SMARCAL1: variants seen among roughly 807,000 people sequenced by gnomAD.
SMARCAL1 encodes the protein ATP-driven annealing helicase.
In SMARCAL1, 58 loss-of-function variants were observed where a neutral mutation model predicts 94.5. That is an observed-to-expected ratio of 0.61 (90% CI 0.50 to 0.76). The LOEUF (loss-of-function observed/expected upper bound fraction) is 0.76, where lower values mean the gene tolerates loss of function less well. Ranked by LOEUF, SMARCAL1 falls within the 30% of genes least tolerant of loss-of-function variation. SMARCAL1 has a pLI of 0.00. For synonymous variants in SMARCAL1, 422 were observed against 455.1 expected, an observed-to-expected ratio of 0.93 and a Z score of 0.93; for missense variants, 1,051 against 1,177.9, an observed-to-expected ratio of 0.89 and a Z score of 1.58.
At chr2:216,465,022 C>T (rs989233483) in intron 13 of SMARCAL1, among the ~76,000 whole-genome samples, 3 of 152,106 alleles carry the variant, frequency 2.0e-5, no homozygotes, top group Non-Finnish European at 4.4e-5. Context: ...TGGCATGCAC[C>T]TGTGGTCCCA....
chr2:216,461,904 G>A lies in SMARCAL1; in HGVS notation c.2071-2693G>A, dbSNP rs753627086. Among the ~76,000 whole-genome samples the A allele has an allele frequency of 4.0e-5, 6 of 151,672 alleles. 1 individual carries two copies. The highest frequency in any genetic ancestry group is 7.3e-5 in the African/African-American group (3 of 41,290). ...TCACACGGCTATAATTTTGCTAATC[G>A]TTTTGTTGGGCCTTTAAGTTACTTT... On this transcript the variant is annotated intron_variant, in intron 12 of 17. Transcript: ENST00000357276.
chr2:216,445,798 T>A (rs2106048910), intron 10 of SMARCAL1, among the ~76,000 whole-genome samples: 1 of 152,364 alleles, frequency 6.6e-6, no homozygotes, highest in South Asian at 2.1e-4. Flanking sequence ...ATATTGGCGA[T>A]TGCTGTGAGG....
rs758656952 is a variant in SMARCAL1 at position 216,482,920 on chromosome 2, G to A, written c.2808G>A (p.Gln936=). ...LDESSLTASP[Q]KKRRFEFFDN... ...AAAGCTCATTGACAGCCAGTCCACA[G>A]AAGAAAAGGAGATTTGAATTTTTTG... The change falls in exon 18 of 18, where the codon CAG becomes CAA. Residue 936 remains glutamine (Q), a synonymous_variant. Coordinates refer to ENST00000357276, the MANE Select transcript of SMARCAL1 (RefSeq NM_014140.4). This position sits in a 1 kb window ranked among gnomAD's most constrained non-coding sequence, Gnocchi z 4.3. 1.9e-6 allele frequency: 3 copies of A among 1,614,210 alleles called. No homozygotes were observed. In the South Asian group the frequency reaches 3.3e-5, roughly 18 times the overall value.
chr2:216,461,719 A>G (rs901532940), intron 12 of SMARCAL1, among the ~76,000 whole-genome samples: 1 of 152,046 alleles, frequency 6.6e-6, no homozygotes, highest in African/African-American at 2.4e-5. Context: ...AGTCCCAGCT[A>G]CTTGGGTAGG....
intron 4 of SMARCAL1, 65 bp downstream of exon 4, chr2:216,416,372 A>G: frequency 7.3e-7 from 1 of 1,377,302 alleles, no homozygotes; most frequent in Non-Finnish European, 1.0e-6. Flanking sequence ...AGAGTATCAC[A>G]TGTAGTCCAG....
rs1694735000 is a variant in SMARCAL1, at chr2:216,462,835, A to AT, written c.2071-1762_2071-1761insT. Among the ~76,000 whole-genome samples the AT allele has an allele frequency of 2.6e-5, 4 of 152,094 alleles. No individual in the cohort carries two copies. The South Asian group carries it at 6.2e-4, about 24-fold the overall frequency. ...ATCCTGTCTCTACAAAAAATAAAAA[A>AT]AAAAAAAAAGCTGGTGTGGTGGTGC... is the stretch of plus-strand genomic sequence containing the variant. On this transcript the variant is annotated intron_variant, in intron 12 of 17. Transcript: ENST00000357276.
intron 9 of SMARCAL1, among the ~76,000 whole-genome samples, chr2:216,436,951 A>G (rs903460560): frequency 1.3e-5 from 2 of 152,244 alleles, no homozygotes; most frequent in African/African-American, 4.8e-5. Context: ...TGCCTTCAGA[A>G]TTCATGTTCT....
At chr2:216,459,538 A>G (rs1028504085) in intron 12 of SMARCAL1, among the ~76,000 whole-genome samples, 1 of 152,214 alleles carries the variant, frequency 6.6e-6, no homozygotes, top group Non-Finnish European at 1.5e-5. Context: ...CCACACATCT[A>G]CAACTATCTG....
intron 6 of SMARCAL1, 58 bp from the exon 7 acceptor site, chr2:216,428,538 T>C: frequency 1.3e-6 from 2 of 1,536,788 alleles, no homozygotes; most frequent in Non-Finnish European, 9.0e-7. Context: ...AGCTCCTCTT[T>C]CTCCAAATCT....
At chr2:216,467,400 G>C (rs905537941) in intron 13 of SMARCAL1, among the ~76,000 whole-genome samples, 1 of 151,408 alleles carries the variant, frequency 6.6e-6, no homozygotes, top group African/African-American at 2.4e-5. Context: ...GAACCCAGGA[G>C]GTGGAGGTTG....
intron 12 of SMARCAL1, among the ~76,000 whole-genome samples, chr2:216,452,490 T>A (rs1350027920): frequency 1.1e-5 from 1 of 89,280 alleles, no homozygotes; most frequent in Non-Finnish European, 3.1e-5. Flanking sequence ...TAAAATGTTA[T>A]TTTTTTTGCC....
intron 5 of SMARCAL1, 31 bp from the exon 6 acceptor site, chr2:216,423,602 C>T: frequency 6.3e-7 from 1 of 1,589,312 alleles, no homozygotes. Flanking sequence ...GCAGGGTGTC[C>T]TATTTGCTTA....
intron 8 of SMARCAL1, among the ~76,000 whole-genome samples, chr2:216,434,522 T>G (rs963672228): frequency 6.6e-6 from 1 of 152,022 alleles, no homozygotes; most frequent in Non-Finnish European, 1.5e-5. Flanking sequence ...ACCCAGACAC[T>G]GTGAAGTGAC....
At chr2:216,459,180 A>G (rs887877247) in intron 12 of SMARCAL1, among the ~76,000 whole-genome samples, 3 of 152,194 alleles carry the variant, frequency 2.0e-5, no homozygotes, top group Non-Finnish European at 4.4e-5. Flanking sequence ...CAACGAAATA[A>G]AAGAGGATAC....
intron 4 of SMARCAL1, among the ~76,000 whole-genome samples, chr2:216,419,239 G>A (rs1693663366): frequency 6.6e-6 from 1 of 152,190 alleles, no homozygotes; most frequent in South Asian, 2.1e-4. Flanking sequence ...CATCCTGCAA[G>A]TTTGAGAAGT....
chr2:216,433,449 G>A (rs1315548910), intron 8 of SMARCAL1, among the ~76,000 whole-genome samples: 1 of 152,100 alleles, frequency 6.6e-6, no homozygotes, highest in Admixed American at 6.5e-5. Flanking sequence ...TGTGCAGTAG[G>A]TACAATAGAT....
intron 8 of SMARCAL1, among the ~76,000 whole-genome samples, chr2:216,433,955 G>T (rs1694018716): frequency 6.8e-6 from 1 of 147,046 alleles, no homozygotes; most frequent in Admixed American, 6.8e-5. Context: ...TGTGCACCTT[G>T]TTTTTTTTCT....
chr2:216,415,439 C>A lies in SMARCAL1; in HGVS notation c.735C>A (p.Gly245=), dbSNP rs149510554. ...AGAAGGGAAAGTGCGTAAGGAACGGCGATCGTTTCCAGGTGTTGATTGGGT... is the reference window on the plus strand; with the variant it reads ...AGAAGGGAAAGTGCGTAAGGAACGGAGATCGTTTCCAGGTGTTGATTGGGT... ...NSQKGKCVRN[G]DRFQVLIGYN... is the part of the protein sequence containing the mutation. The change falls in exon 3 of 18, where the codon GGC becomes GGA. Residue 245 remains glycine, a synonymous_variant. Transcript: ENST00000357276. 6.2e-7 allele frequency: 1 copy of A among 1,613,978 alleles called. No homozygotes were observed. Among genetic ancestry groups the A allele is most frequent in the African/African-American group, 1.3e-5 (1 of 74,900 alleles).
chr2:216,482,607 C>T lies in SMARCAL1; in HGVS notation c.2626-131C>T, dbSNP rs901943868. 3.9e-6 allele frequency: 5 copies of T among 1,290,026 alleles called. No homozygotes were observed. Among genetic ancestry groups the T allele is most frequent in the East Asian group, 4.6e-5 (2 of 43,342 alleles). The allele number at this position is 1,290,026 out of a possible 1,614,324, so 79.9% of individuals were successfully genotyped here. A position where few individuals can be genotyped will look rare whatever the true frequency, so the allele number is the denominator to read the frequency against. On this transcript the variant is annotated intron_variant, in intron 17 of 17. Coordinates refer to ENST00000357276, the MANE Select transcript of SMARCAL1 (RefSeq NM_014140.4). This position sits in a 1 kb window ranked among gnomAD's most constrained non-coding sequence, Gnocchi z 4.3. Reference sequence around the variant, plus strand: ...TGCTGAGATGATGCACACTTGCCATCGTGTAGCTCCCTGACACCATGAAAT... The same window carrying T: ...TGCTGAGATGATGCACACTTGCCATTGTGTAGCTCCCTGACACCATGAAAT...
Sources: gnomAD v4.1 joint callset for allele counts (sites outside exome capture counted in the v4.1 genomes callset) on GRCh38, gnomAD v4.1.1 for gene constraint, Gnocchi (gnomAD v3.1) non-coding constraint, MANE v1.5 for transcripts, NCBI Gene and HGNC (gene_info 2026-07-23, HGNC 2026-07-21) for gene names.